PRRX1: variants seen among roughly 807,000 people sequenced by gnomAD.
The protein encoded by PRRX1 is paired mesoderm homeobox protein 1.
A neutral mutation model predicts 24.0 loss-of-function variants in PRRX1; 8 were observed. That is an observed-to-expected ratio of 0.33 (90% CI 0.20 to 0.60). The LOEUF (loss-of-function observed/expected upper bound fraction) is 0.60. PRRX1 is among the 20% of genes least tolerant of loss of function. The pLI, the probability that PRRX1 is intolerant of heterozygous loss-of-function variation, is 0.82. For synonymous variants in PRRX1, 160 were observed against 131.7 expected (o/e 1.22, Z -1.47); for missense variants, 281 against 322.4 (o/e 0.87, Z 0.98).
intron 1 of PRRX1, among the ~76,000 whole-genome samples, chr1:170,689,785 A>C (rs903068230): frequency 2.7e-5 from 4 of 150,714 alleles, no homozygotes; most frequent in African/African-American, 7.4e-5. Context: ...AAGCATCTGT[A>C]GAGCCGAACT....
chr1:170,687,376 T>C (rs1185200101), intron 1 of PRRX1, among the ~76,000 whole-genome samples: 1 of 152,192 alleles, frequency 6.6e-6, no homozygotes, highest in African/African-American at 2.4e-5. Flanking sequence ...AGGCAATCTG[T>C]TTGGATGCTC....
intron 1 of PRRX1, among the ~76,000 whole-genome samples, chr1:170,712,858 T>A (rs1654794401): frequency 6.6e-6 from 1 of 152,178 alleles, no homozygotes. Context: ...TATGCTTCCA[T>A]CCCAATTATA....
intron 3 of PRRX1, chr1:170,730,344 A>C (rs769114346): frequency 6.2e-6 from 10 of 1,607,756 alleles, no homozygotes; most frequent in Non-Finnish European, 5.1e-6. Flanking sequence ...GAAGACACTG[A>C]AAAGGTAACT....
chr1:170,690,242 G>A (rs1047535703), intron 1 of PRRX1, among the ~76,000 whole-genome samples: 2 of 151,826 alleles, frequency 1.3e-5, no homozygotes, highest in African/African-American at 4.8e-5. Context: ...TTATAGTTTA[G>A]CAGAGATAGA....
Position 170,739,367 on chromosome 1 carries a change from G to T in PRRX1, c.*3181G>T, listed in dbSNP as rs1427328328. 1 of 177,072 alleles carries T rather than the reference G, an allele frequency of 5.6e-6. No homozygotes were observed. The highest frequency in any genetic ancestry group is 2.4e-5 in the African/African-American group (1 of 42,214). The allele number at this position is 177,072 out of a possible 1,614,324, so 11.0% of individuals were successfully genotyped here. On this transcript the variant is annotated 3_prime_UTR_variant, in exon 4 of 4. Transcript: ENST00000239461. ...ACATTGTTTGCGCTAGAATAGAAAT[G>T]ATTTCTTTTCAATAAAAAGAAAGAA...
chr1:170,684,360 C>T (rs367737715), intron 1 of PRRX1, among the ~76,000 whole-genome samples: 282 of 152,228 alleles, frequency 1.9e-3, no homozygotes, highest in African/African-American at 6.0e-3. Flanking sequence ...TGTATGACCC[C>T]GAAGTGATTC....
intron 1 of PRRX1, among the ~76,000 whole-genome samples, chr1:170,717,258 A>C (rs1295098673): frequency 6.6e-6 from 1 of 151,992 alleles, no homozygotes; most frequent in Non-Finnish European, 1.5e-5. Flanking sequence ...CATTTCCCTT[A>C]CTCCCACATC....
At chr1:170,669,351 C>CATTTTAG (rs984439656) in intron 1 of PRRX1, 4 of 137,746 alleles carry the variant, frequency 2.9e-5, no homozygotes, top group African/African-American at 1.1e-4. Context: ...CCAGGAGTGT[C>CATTTTAG]ATTTTAGATT....
chr1:170,710,487 A>C (rs1054258412), intron 1 of PRRX1, among the ~76,000 whole-genome samples: 2 of 152,196 alleles, frequency 1.3e-5, no homozygotes, highest in Non-Finnish European at 2.9e-5. Context: ...TCCATAATAC[A>C]TATTTTACAA....
intron 1 of PRRX1, among the ~76,000 whole-genome samples, chr1:170,705,627 T>C (rs182025691): frequency 6.6e-6 from 1 of 152,162 alleles, no homozygotes; most frequent in East Asian, 1.9e-4. Flanking sequence ...TACTGCTAAG[T>C]TCAGCAGGCA....
chr1:170,689,893 CGT>C (rs770375970), intron 1 of PRRX1, among the ~76,000 whole-genome samples: 16 of 121,110 alleles, frequency 1.3e-4, no homozygotes, highest in South Asian at 2.9e-4. Flanking sequence ...TGTGTGTGTG[CGT>C]GTGTGTGTGT....
chr1:170,736,068 C>T lies in PRRX1; in HGVS notation c.620C>T (p.Ala207Val), dbSNP rs1360944632. 5.0e-6 allele frequency: 8 copies of T among 1,614,066 alleles called. No homozygotes were observed. Among genetic ancestry groups the T allele is most frequent in the Non-Finnish European group, 4.2e-6 (5 of 1,179,936 alleles). ...SPYSAMATYSATCANNSPAQG... is the reference protein window; with the variant it reads ...SPYSAMATYSVTCANNSPAQG... ...TACAGCGCCATGGCTACTTATTCTG[C>T]CACATGTGCCAACAATAGCCCTGCA... The change falls in exon 4 of 4, where the codon GCC becomes GTC. Residue 207 changes from alanine (A) to valine (V), a missense_variant. By Grantham distance (64) the Ala-to-Val change is moderately conservative (BLOSUM62 0). Transcript: ENST00000239461.
chr1:170,668,568 G>A (rs1281039516), intron 1 of PRRX1: 1 of 152,188 alleles, frequency 6.6e-6, no homozygotes, highest in Non-Finnish European at 1.5e-5. Flanking sequence ...TTGTCACAAA[G>A]GGAGAGGTGT....
intron 1 of PRRX1, among the ~76,000 whole-genome samples, chr1:170,670,011 C>T (rs1002210089): frequency 6.6e-6 from 1 of 152,174 alleles, no homozygotes. Context: ...CATTCTCTAT[C>T]TAAGCCTTTG....
intron 1 of PRRX1, among the ~76,000 whole-genome samples, chr1:170,709,572 C>T (rs1382706054): frequency 6.6e-6 from 1 of 152,066 alleles, no homozygotes; most frequent in Admixed American, 6.6e-5. Context: ...ACCAAGTGTA[C>T]TGGAATATTT....
intron 1 of PRRX1, among the ~76,000 whole-genome samples, chr1:170,684,332 T>G (rs1653656903): frequency 6.6e-6 from 1 of 152,240 alleles, no homozygotes; most frequent in South Asian, 2.1e-4. Context: ...TTCTTGTAGT[T>G]TCTTACAGAT....
At chr1:170,680,151 A>G (rs1215704646) in intron 1 of PRRX1, among the ~76,000 whole-genome samples, 2 of 152,190 alleles carry the variant, frequency 1.3e-5, no homozygotes, top group Non-Finnish European at 2.9e-5. Context: ...CTCTTGTCCT[A>G]AATGGATTTT....
intron 1 of PRRX1, among the ~76,000 whole-genome samples, chr1:170,692,949 C>A (rs1452363888): frequency 1.3e-5 from 2 of 152,106 alleles, no homozygotes; most frequent in Admixed American, 1.3e-4. Context: ...TATTGCTTTT[C>A]ATCATGAAGT....
chr1:170,694,111 G>T (rs1238289844), intron 1 of PRRX1, among the ~76,000 whole-genome samples: 1 of 151,908 alleles, frequency 6.6e-6, no homozygotes, highest in Non-Finnish European at 1.5e-5. Flanking sequence ...CCAAACCCCA[G>T]GTGCAAATAT....
Sources: gnomAD v4.1 joint callset for allele counts (sites outside exome capture counted in the v4.1 genomes callset) on GRCh38, gnomAD v4.1.1 for gene constraint, MANE v1.5 for transcripts, NCBI Gene and HGNC (gene_info 2026-07-23, HGNC 2026-07-21) for gene names.